The following MEI1 variants were observed in gnomAD, a reference collection of about 807,000 sequenced individuals.
MEI1 encodes meiosis inhibitor protein 1.
MEI1 carries 103 observed loss-of-function variants against 146.2 expected under a neutral mutation model. The observed-to-expected ratio is 0.70, with a 90% confidence interval of 0.60 to 0.83. MEI1 has a LOEUF of 0.83. MEI1 is among the 40% of genes least tolerant of loss of function. The pLI is 0.00. For missense variants in MEI1, 1,529 were observed against 1,533.0 expected (o/e 1.00, Z 0.04); for synonymous variants, 652 against 628.2 (o/e 1.04, Z -0.57).
At chr22:41,775,580 A>C (rs1423235297) in intron 20 of MEI1, among the ~76,000 whole-genome samples, 1 of 150,620 alleles carries the variant, frequency 6.6e-6, no homozygotes, top group African/African-American at 2.4e-5. Context: ...TGGATTTAAT[A>C]GGATGGACCT....
At chr22:41,727,302 A>C (rs2071437628) in intron 7 of MEI1, among the ~76,000 whole-genome samples, 1 of 152,162 alleles carries the variant, frequency 6.6e-6, no homozygotes, top group Non-Finnish European at 1.5e-5. Context: ...TCTCCCCCAA[A>C]ATCAGCTTCT....
Position 41,784,405 on chromosome 22 carries a change from GC to G in MEI1, c.3155del (p.Ala1052ValfsTer25), listed in dbSNP as rs1212638488. On this transcript the variant is annotated frameshift_variant, in exon 25 of 31. Transcript: ENST00000401548. LOFTEE classifies it high-confidence loss of function. Reference protein sequence around the residue: ...LKALSFPKKKAALLSAAILCF... With the variant: ...LKALSFPKKKXALLSAAILCF... ...GGCTCTCAGCTTTCCAAAGAAAAAG[GC>G]TGCACTACTCTCAGGTATGGGTCCA... is the stretch of plus-strand genomic sequence containing the variant. 2 of 1,613,968 alleles carry G rather than the reference GC, an allele frequency of 1.2e-6. No homozygotes were observed. Among genetic ancestry groups the G allele is most frequent in the African/African-American group, 2.7e-5 (2 of 75,030 alleles).
In MEI1 at chr22:41,732,293, A is replaced by G. The variant is rs1312203414; in HGVS notation, c.1145A>G (p.Asn382Ser). 6.2e-7 allele frequency: 1 copy of G among 1,612,594 alleles called. No homozygotes were observed. The highest frequency in any genetic ancestry group is 8.5e-7 in the Non-Finnish European group (1 of 1,179,410). ...CTGCAGGGAAGCCTGAAGATGAACA[A>G]CATAGAGCTGCACAAGCAGGGCCTG... ...RSLQGSLKMN[N>S]IELHKQGLLL... is the part of the protein sequence containing the mutation. Residue 382 changes from asparagine (N) to serine (S), a missense_variant, in exon 10 of 31, where the codon AAC becomes AGC. Asn to Ser is a conservative substitution (Grantham distance 46). Coordinates refer to ENST00000401548, the MANE Select transcript of MEI1 (RefSeq NM_152513.4).
At chr22:41,725,565 T>C (rs2071259515) in intron 7 of MEI1, among the ~76,000 whole-genome samples, 1 of 152,222 alleles carries the variant, frequency 6.6e-6, no homozygotes, top group Admixed American at 6.5e-5. Context: ...TCCTTCAGCC[T>C]CACTTTCCTG....
chr22:41,741,218 G>A (rs1235141858), intron 11 of MEI1, among the ~76,000 whole-genome samples: 1 of 152,168 alleles, frequency 6.6e-6, no homozygotes, highest in Non-Finnish European at 1.5e-5. Context: ...GCTTTAGAGG[G>A]GACATGGCCC....
chr22:41,700,975 T>C (rs1389703686), intron 1 of MEI1, among the ~76,000 whole-genome samples: 1 of 150,900 alleles, frequency 6.6e-6, no homozygotes, highest in Non-Finnish European at 1.5e-5. Context: ...GTTTCACTCT[T>C]GTTGCCCAGG....
At chr22:41,740,338 C>T (rs968721285) in intron 11 of MEI1, among the ~76,000 whole-genome samples, 8 of 151,710 alleles carry the variant, frequency 5.3e-5, no homozygotes, top group African/African-American at 1.9e-4. Context: ...TTACTTTTGA[C>T]TTTAACTTCC....
intron 5 of MEI1, 84 bp downstream of exon 5, chr22:41,716,230 C>T: frequency 3.3e-6 from 3 of 916,238 alleles, no homozygotes; most frequent in Non-Finnish European, 5.2e-6. Flanking sequence ...TCACTCTGTA[C>T]ACCTGGGAAG....
chr22:41,721,155 C>T (rs1051872617), intron 6 of MEI1, among the ~76,000 whole-genome samples: 5 of 150,976 alleles, frequency 3.3e-5, no homozygotes, highest in Non-Finnish European at 4.4e-5. Flanking sequence ...CTTCATGATC[C>T]GCCCATCTCG....
At chr22:41,769,900 C>T in intron 19 of MEI1, among the ~76,000 whole-genome samples, 1 of 151,542 alleles carries the variant, frequency 6.6e-6, no homozygotes, top group African/African-American at 2.4e-5. Context: ...TTTAGGAGGC[C>T]AAGGCGGGCA....
chr22:41,798,728 C>CA (rs201628287), intron 30 of MEI1, among the ~76,000 whole-genome samples: 2,291 of 152,000 alleles, frequency 0.015, 54 homozygotes, highest in African/African-American at 0.052. Context: ...ATTAGCCGGG[C>CA]ATGGTGGTGC....
intron 11 of MEI1, among the ~76,000 whole-genome samples, chr22:41,737,706 C>T (rs1039370676): frequency 6.6e-6 from 1 of 152,048 alleles, no homozygotes; most frequent in Non-Finnish European, 1.5e-5. Flanking sequence ...TGAACCTGGC[C>T]TATTCATTTG....
intron 3 of MEI1, among the ~76,000 whole-genome samples, chr22:41,712,336 G>A (rs1190201386): frequency 1.3e-5 from 2 of 150,794 alleles, no homozygotes; most frequent in African/African-American, 2.4e-5. Flanking sequence ...CTGGGTTCAC[G>A]CCATTCTCCT....
Position 41,730,582 on chromosome 22 carries a change from C to A in MEI1, c.1041C>A (p.Cys347Ter). The change falls in exon 9 of 31, where the codon TGC becomes TGA. Residue 347 changes from cysteine (C) to a stop codon, truncating the protein, a stop_gained. Coordinates refer to ENST00000401548, the MANE Select transcript of MEI1 (RefSeq NM_152513.4). LOFTEE classifies it high-confidence loss of function. ...TGCTCGTCTGGTCCAGCTGTAACTG[C>A]TTGACACTCCTGGTAGAAGAGCCAC... ...SEVLVWSSCN[C>*]LTLLVEEPLF... 6.2e-7 allele frequency: 1 copy of A among 1,613,918 alleles called. No homozygotes were observed. Among genetic ancestry groups the A allele is most frequent in the Non-Finnish European group, 8.5e-7 (1 of 1,179,830 alleles).
chr22:41,729,650 T>C lies in MEI1; in HGVS notation c.865-15T>C, dbSNP rs1226903381. The C allele has an allele frequency of 1.3e-6, 2 of 1,580,242 alleles. No homozygotes were observed. The highest frequency in any genetic ancestry group is 1.7e-6 in the Non-Finnish European group (2 of 1,155,584). ...GTGGTGTGACTGGGGTACTTTTTGC[T>C]GCCTGTTTCTCCAGCTTCTCCTCTC... On this transcript the variant is annotated splice_polypyrimidine_tract_variant and intron_variant, in intron 7 of 30. Coordinates refer to ENST00000401548, the MANE Select transcript of MEI1 (RefSeq NM_152513.4).
intron 26 of MEI1, among the ~76,000 whole-genome samples, chr22:41,785,915 AT>A (rs1274113686): frequency 4.6e-4 from 48 of 104,046 alleles, no homozygotes; most frequent in Non-Finnish European, 6.1e-4. Context: ...TTTTTATTTT[AT>A]TTTTTTTTTT....
In MEI1 at chr22:41,752,597, C is replaced by T. The variant is rs1324056112; in HGVS notation, c.1799C>T (p.Ser600Leu). ...TATTCCCACTTCTCTGAAGCTTCCT[C>T]ATCCTTCATACGACTGACCCTGGAG... The part of the protein sequence containing the change: ...KEKFSKKLAS[S>L]SFIRLTLELK... The change falls in exon 16 of 31, where the codon TCA (serine) becomes TTA (leucine). Residue 600 changes from serine (S) to leucine (L), a missense_variant. Transcript: ENST00000401548. 5.6e-6 allele frequency: 9 copies of T among 1,597,540 alleles called. No individual in the cohort carries two copies. The highest frequency in any genetic ancestry group is 1.1e-5 in the South Asian group (1 of 87,536).
At chr22:41,796,540 C>T (rs2076364730) in intron 30 of MEI1, among the ~76,000 whole-genome samples, 1 of 152,102 alleles carries the variant, frequency 6.6e-6, no homozygotes, top group Non-Finnish European at 1.5e-5. Context: ...TGTTAAGGTA[C>T]TTGTAGTACA....
chr22:41,746,280 G>T (rs1368490447), intron 14 of MEI1, among the ~76,000 whole-genome samples: 1 of 152,176 alleles, frequency 6.6e-6, no homozygotes, highest in Admixed American at 6.5e-5. Flanking sequence ...TTTATGGAGT[G>T]GAAAGTGCCT....
Sources: gnomAD v4.1 joint callset for allele counts (sites outside exome capture counted in the v4.1 genomes callset) on GRCh38, gnomAD v4.1.1 for gene constraint, MANE v1.5 for transcripts, NCBI Gene and HGNC (gene_info 2026-07-23, HGNC 2026-07-21) for gene names.